The following EPB41L4A variants were observed in gnomAD, a reference collection of about 807,000 sequenced individuals.
The protein encoded by EPB41L4A is erythrocyte membrane protein band 4.1 like 4A.
EPB41L4A carries 100 observed loss-of-function variants against 108.6 expected under a neutral mutation model. The observed-to-expected ratio is 0.92, with a 90% confidence interval of 0.78 to 1.09. The LOEUF (loss-of-function observed/expected upper bound fraction) is 1.09, where lower values mean the gene tolerates loss of function less well. Ranked by LOEUF, EPB41L4A falls within the 50% of genes least tolerant of loss-of-function variation. The pLI is 0.00. For missense variants in EPB41L4A, 1,030 were observed against 842.7 expected (o/e 1.22, Z -2.75); for synonymous variants, 319 against 289.0 (o/e 1.10, Z -1.05).
intron 1 of EPB41L4A, among the ~76,000 whole-genome samples, chr5:112,393,569 T>A (rs905055156): frequency 3.3e-5 from 5 of 152,106 alleles, no homozygotes; most frequent in South Asian, 4.1e-4. Context: ...AATAGACCAA[T>A]AACAGGCTCT....
chr5:112,416,826 AC>A (rs1762742128), intron 1 of EPB41L4A, among the ~76,000 whole-genome samples: 1 of 152,212 alleles, frequency 6.6e-6, no homozygotes, highest in African/African-American at 2.4e-5. Flanking sequence ...GAATACCTCT[AC>A]ATGCAAGTTT....
intron 6 of EPB41L4A, chr5:112,263,977 TA>T (rs1751670839): frequency 6.6e-6 from 1 of 151,700 alleles, no homozygotes; most frequent in Middle Eastern, 3.4e-3. Context: ...CACGCCCGGC[TA>T]ATTTTTGTAT....
rs574395647 is a variant in EPB41L4A at position 112,229,412 on chromosome 5, T to G, written c.1087+5222A>C. Among the ~76,000 whole-genome samples the G allele has an allele frequency of 1.8e-4, 27 of 152,228 alleles. No homozygotes were observed. The South Asian group carries it at 5.4e-3, about 30-fold the overall frequency. ...TTGTGGGGTATTTTTATTTATTTAT[T>G]TATTATTTTTATTTCAATAGTTTTA... On this transcript the variant is annotated intron_variant, in intron 12 of 22. Transcript: ENST00000261486.
intron 1 of EPB41L4A, among the ~76,000 whole-genome samples, chr5:112,362,844 C>T (rs2112490773): frequency 6.6e-6 from 1 of 152,166 alleles, no homozygotes; most frequent in African/African-American, 2.4e-5. Context: ...TCATCTCAAA[C>T]CTGATCTGAT....
chr5:112,142,229 G>T (rs1019251588), downstream of EPB41L4A, among the ~76,000 whole-genome samples: 1 of 152,184 alleles, frequency 6.6e-6, no homozygotes, highest in Non-Finnish European at 1.5e-5. Flanking sequence ...CCACGGGATG[G>T]AGTTCCACTG....
chr5:112,287,783 C>G (rs1484533733), intron 2 of EPB41L4A, among the ~76,000 whole-genome samples: 1 of 152,048 alleles, frequency 6.6e-6, no homozygotes, highest in Non-Finnish European at 1.5e-5. Context: ...GCAGAGAAAG[C>G]TATTGGAAAC....
intron 17 of EPB41L4A, among the ~76,000 whole-genome samples, chr5:112,192,453 T>C (rs796501728): frequency 3.9e-5 from 6 of 152,318 alleles, no homozygotes; most frequent in African/African-American, 1.4e-4. Context: ...GCATAAATGA[T>C]TGTGAAGGCC....
intron 1 of EPB41L4A, among the ~76,000 whole-genome samples, chr5:112,379,129 G>A (rs989500232): frequency 1.3e-5 from 2 of 152,100 alleles, no homozygotes; most frequent in African/African-American, 4.8e-5. Context: ...CGAGCACCCT[G>A]GGGGGGTCAA....
rs956327640 is a variant in EPB41L4A, at chr5:112,244,294, T to C, written c.796-3484A>G. ...AGATCGCTATCTTACATAGATGCAG[T>C]TTGTGGCACCCCAAATCAATTGCAA... On this transcript the variant is annotated intron_variant, in intron 9 of 22. Transcript: ENST00000261486. 6.6e-5 allele frequency among the ~76,000 whole-genome samples: 10 copies of C among 152,266 alleles called. No homozygotes were observed. The South Asian group carries it at 1.9e-3, about 28-fold the overall frequency.
At chr5:112,410,473 A>T (rs947603767) in intron 1 of EPB41L4A, among the ~76,000 whole-genome samples, 18 of 152,288 alleles carry the variant, frequency 1.2e-4, no homozygotes, top group African/African-American at 4.3e-4. Context: ...GTGCAGCAGC[A>T]ATGAAAACAG....
chr5:112,375,453 G>GA (rs1011839590), intron 1 of EPB41L4A, among the ~76,000 whole-genome samples: 1 of 151,464 alleles, frequency 6.6e-6, no homozygotes, highest in Non-Finnish European at 1.5e-5. Context: ...TGGTTTCAAT[G>GA]AAAAAAATCA....
intron 1 of EPB41L4A, among the ~76,000 whole-genome samples, chr5:112,308,973 C>T (rs1276694652): frequency 6.6e-6 from 1 of 152,186 alleles, no homozygotes; most frequent in Non-Finnish European, 1.5e-5. Flanking sequence ...CATGTGCTTA[C>T]TAGTCAATTG....
intron 1 of EPB41L4A, among the ~76,000 whole-genome samples, chr5:112,346,983 T>TA (rs1352844854): frequency 6.6e-6 from 1 of 152,112 alleles, no homozygotes; most frequent in Non-Finnish European, 1.5e-5. Context: ...TTTTGACAGT[T>TA]AGAGTCCAAA....
At chr5:112,406,349 G>T (rs1301683132) in intron 1 of EPB41L4A, among the ~76,000 whole-genome samples, 2 of 152,164 alleles carry the variant, frequency 1.3e-5, no homozygotes, top group East Asian at 3.8e-4. Context: ...GGAGAGATAT[G>T]CAGCATGGAG....
At chr5:112,201,300 G>A (rs892484139) in intron 15 of EPB41L4A, among the ~76,000 whole-genome samples, 2 of 152,118 alleles carry the variant, frequency 1.3e-5, no homozygotes, top group African/African-American at 4.8e-5. Context: ...AATTTAAATA[G>A]CCTTCCCCTG....
intron 2 of EPB41L4A, among the ~76,000 whole-genome samples, chr5:112,300,979 C>T (rs1754317503): frequency 6.6e-6 from 1 of 151,996 alleles, no homozygotes; most frequent in Non-Finnish European, 1.5e-5. Flanking sequence ...TAAGTGTGTC[C>T]TTTATTTTCT....
At chr5:112,337,387 C>T (rs1163211709) in intron 1 of EPB41L4A, among the ~76,000 whole-genome samples, 1 of 152,194 alleles carries the variant, frequency 6.6e-6, no homozygotes, top group African/African-American at 2.4e-5. Context: ...ATATCAACCA[C>T]CGTGTTAAGC....
intron 13 of EPB41L4A, among the ~76,000 whole-genome samples, chr5:112,205,726 C>A (rs1488543683): frequency 6.6e-6 from 1 of 152,132 alleles, no homozygotes; most frequent in Non-Finnish European, 1.5e-5. Flanking sequence ...TCTAGTTTTA[C>A]TGCTTTAGTC....
At chr5:112,305,821 A>C (rs1754648262) in intron 2 of EPB41L4A, among the ~76,000 whole-genome samples, 1 of 152,184 alleles carries the variant, frequency 6.6e-6, no homozygotes, top group East Asian at 1.9e-4. Context: ...AAACAATATG[A>C]CTTAAGAGCT....
Sources: allele counts gnomAD v4.1 joint callset (sites outside exome capture counted in the v4.1 genomes callset), GRCh38; gene constraint gnomAD v4.1.1; transcripts MANE v1.5; gene names NCBI Gene and HGNC (gene_info 2026-07-23, HGNC 2026-07-21).